CSMD1: variants seen among roughly 807,000 people sequenced by gnomAD.
CSMD1 encodes CUB and Sushi multiple domains 1, also known as CUB and sushi domain-containing protein 1.
In CSMD1, 213 loss-of-function variants were observed where a neutral mutation model predicts 417.5. That is an observed-to-expected ratio of 0.51 (90% CI 0.46 to 0.57). CSMD1 has a LOEUF of 0.57. Among genes scored for constraint, CSMD1 ranks in the 20% least tolerant of loss-of-function variants. The pLI is 0.00. For synonymous variants in CSMD1, 2,862 were observed against 1,736.8 expected, an observed-to-expected ratio of 1.65 and a Z score of -16.11; for missense variants, 6,923 against 4,529.7, an observed-to-expected ratio of 1.53 and a Z score of -15.17.
intron 3 of CSMD1, among the ~76,000 whole-genome samples, chr8:4,309,606 A>G (rs1443081017): frequency 6.6e-6 from 1 of 151,006 alleles, no homozygotes; most frequent in Non-Finnish European, 1.5e-5. Flanking sequence ...TAGCACTCCC[A>G]TTTTAGTACA....
At chr8:3,754,768 A>T (rs1288535743) in intron 5 of CSMD1, among the ~76,000 whole-genome samples, 1 of 152,144 alleles carries the variant, frequency 6.6e-6, no homozygotes, top group Non-Finnish European at 1.5e-5. Context: ...AGACTTACGA[A>T]TTCTATGTAA....
chr8:3,953,015 C>T (rs1585024264), intron 5 of CSMD1, among the ~76,000 whole-genome samples: 2 of 151,922 alleles, frequency 1.3e-5, no homozygotes, highest in Middle Eastern at 3.4e-3. Context: ...TAAAAAAATA[C>T]ATGAGAAGGT....
chr8:3,978,934 T>C lies in CSMD1; in HGVS notation c.818+18969A>G, dbSNP rs190839349. Among the ~76,000 whole-genome samples, 27 of 152,342 alleles carry C rather than the reference T, an allele frequency of 1.8e-4. No homozygotes were observed. The East Asian group carries it at 3.9e-3, about 22-fold the overall frequency. ...AATTAGCGTCCTAATGTGCATTTCATTGCCAGCCACAGGTTCCACTGTTTT... is the reference window on the plus strand; with the variant it reads ...AATTAGCGTCCTAATGTGCATTTCACTGCCAGCCACAGGTTCCACTGTTTT... On this transcript the variant is annotated intron_variant, in intron 5 of 69. Transcript: ENST00000635120.
At chr8:3,004,854 C>T (rs566230429) in intron 52 of CSMD1, among the ~76,000 whole-genome samples, 23 of 152,210 alleles carry the variant, frequency 1.5e-4, no homozygotes, top group South Asian at 4.1e-4. Flanking sequence ...ATAAGAATAC[C>T]GTGGCCAGGC....
intron 33 of CSMD1, among the ~76,000 whole-genome samples, chr8:3,194,187 C>G (rs1414044535): frequency 6.6e-6 from 1 of 152,076 alleles, no homozygotes; most frequent in Non-Finnish European, 1.5e-5. Flanking sequence ...GCTCTTGACA[C>G]AAATGTGAGT....
chr8:4,904,198 G>C (rs1354567443), intron 1 of CSMD1, among the ~76,000 whole-genome samples: 2 of 152,208 alleles, frequency 1.3e-5, no homozygotes, highest in South Asian at 2.1e-4. Flanking sequence ...GTCATAACAT[G>C]ATGACCAACC....
chr8:4,956,291 T>C (rs1037338427), intron 1 of CSMD1, among the ~76,000 whole-genome samples: 4 of 151,920 alleles, frequency 2.6e-5, no homozygotes, highest in Non-Finnish European at 4.4e-5. Flanking sequence ...AGTCTCATAA[T>C]TTTAAAACAT....
intron 7 of CSMD1, among the ~76,000 whole-genome samples, chr8:3,649,914 G>T (rs1029107557): frequency 6.6e-6 from 1 of 151,772 alleles, no homozygotes; most frequent in Non-Finnish European, 1.5e-5. Flanking sequence ...CTTTGTGCAT[G>T]GTATATGTAA....
chr8:4,620,845 G>C (rs1170646816), intron 2 of CSMD1, among the ~76,000 whole-genome samples: 2 of 151,420 alleles, frequency 1.3e-5, no homozygotes, highest in Non-Finnish European at 3.0e-5. Flanking sequence ...TAAGAAAAAG[G>C]AGACTAAACC....
chr8:4,951,684 G>C (rs1223824032), intron 1 of CSMD1, among the ~76,000 whole-genome samples: 1 of 151,506 alleles, frequency 6.6e-6, no homozygotes, highest in African/African-American at 2.4e-5. Flanking sequence ...TAAAAAATGA[G>C]GAATCCTTGG....
chr8:3,091,798 A>C (rs1814968551), intron 47 of CSMD1, 136 bp from the exon 48 acceptor site: 1 of 658,626 alleles, frequency 1.5e-6, no homozygotes, highest in Non-Finnish European at 2.4e-6. Flanking sequence ...TGGACAACAA[A>C]TTCCAAATGG....
intron 2 of CSMD1, among the ~76,000 whole-genome samples, chr8:4,511,087 T>G (rs1230074657): frequency 2.0e-5 from 3 of 152,140 alleles, no homozygotes; most frequent in Admixed American, 6.6e-5. Context: ...TGGTCAGCAC[T>G]CTCCTGTTCA....
intron 10 of CSMD1, among the ~76,000 whole-genome samples, chr8:3,565,862 G>C (rs1195650853): frequency 2.0e-5 from 3 of 151,766 alleles, no homozygotes; most frequent in East Asian, 3.9e-4. Flanking sequence ...TCTTGATTTA[G>C]GTTCATATCA....
chr8:3,123,686 T>C (rs955405488), intron 41 of CSMD1, among the ~76,000 whole-genome samples: 16 of 152,182 alleles, frequency 1.1e-4, no homozygotes, highest in African/African-American at 3.9e-4. Context: ...TAGAACCTCA[T>C]CTTCATTAGA....
At chr8:4,492,246 T>A (rs2043803) in intron 2 of CSMD1, among the ~76,000 whole-genome samples, 1 of 152,038 alleles carries the variant, frequency 6.6e-6, no homozygotes, top group African/African-American at 2.4e-5. Context: ...TATGTGAGCA[T>A]GCTCAGCTAA....
At chr8:4,321,337 C>A (rs1156718974) in intron 3 of CSMD1, among the ~76,000 whole-genome samples, 1 of 151,990 alleles carries the variant, frequency 6.6e-6, no homozygotes, top group Non-Finnish European at 1.5e-5. Flanking sequence ...GGCCATACGT[C>A]TTCTCTCCTC....
chr8:4,986,992 A>C (rs1298775954), intron 1 of CSMD1, among the ~76,000 whole-genome samples: 1 of 152,220 alleles, frequency 6.6e-6, no homozygotes, highest in African/African-American at 2.4e-5. Context: ...GTTTATATAC[A>C]GATAAATGCA....
chr8:3,168,103 T>C (rs558566900), intron 37 of CSMD1, among the ~76,000 whole-genome samples: 5 of 148,098 alleles, frequency 3.4e-5, no homozygotes, highest in Non-Finnish European at 7.4e-5. Flanking sequence ...AACAAAAAAG[T>C]TGATAAGCAG....
At chr8:4,731,144 T>C (rs573622672) in intron 1 of CSMD1, among the ~76,000 whole-genome samples, 2 of 152,244 alleles carry the variant, frequency 1.3e-5, no homozygotes, top group African/African-American at 4.8e-5. Context: ...TGGCTTCGAG[T>C]AGCATTTAAC....
Sources: gnomAD v4.1 joint callset for allele counts (sites outside exome capture counted in the v4.1 genomes callset) on GRCh38, gnomAD v4.1.1 for gene constraint, MANE v1.5 for transcripts, NCBI Gene and HGNC (gene_info 2026-07-23, HGNC 2026-07-21) for gene names.